ZSWIM5: variants seen among roughly 807,000 people sequenced by gnomAD.
ZSWIM5 encodes zinc finger SWIM domain-containing protein 5.
Under a neutral mutation model 119.6 loss-of-function variants are expected in ZSWIM5, and 55 were observed. The observed-to-expected ratio is 0.46, with a 90% confidence interval of 0.37 to 0.58. The LOEUF (loss-of-function observed/expected upper bound fraction) is 0.58, where lower values mean the gene tolerates loss of function less well. ZSWIM5 is among the 20% of genes least tolerant of loss of function. The pLI, the probability that ZSWIM5 is intolerant of heterozygous loss-of-function variation, is 0.00. For missense variants in ZSWIM5, 1,193 were observed against 1,512.8 expected (o/e 0.79, Z 3.51); for synonymous variants, 537 against 606.9 (o/e 0.88, Z 1.69).
chr1:45,044,654 G>A (rs1479118954), intron 5 of ZSWIM5, among the ~76,000 whole-genome samples: 1 of 124,822 alleles, frequency 8.0e-6, no homozygotes, highest in African/African-American at 3.0e-5. Context: ...AACCCGGAAG[G>A]CGGAGCTTGC....
intron 5 of ZSWIM5, among the ~76,000 whole-genome samples, chr1:45,048,874 A>T (rs1026606694): frequency 2.6e-5 from 4 of 152,222 alleles, no homozygotes; most frequent in Admixed American, 6.5e-5. Flanking sequence ...TAATCCCAGC[A>T]CTTTGGGAGG....
rs1178183112 is a variant in ZSWIM5, at chr1:45,205,773, T to C, written c.578A>G (p.Glu193Gly). ...GCACATACCGACTTGCAGCACGTTCTCCACGGAGCCGCTGTCCAGCAGACG... is the reference window on the plus strand; with the variant it reads ...GCACATACCGACTTGCAGCACGTTCCCCACGGAGCCGCTGTCCAGCAGACG... ...GIRLLDSGSV[E>G]NVLQVGFHLS... Residue 193 changes from glutamate (E) to glycine (G), a missense_variant, in exon 1 of 14, where the codon GAG becomes GGG. By Grantham distance (98) the Glu-to-Gly change is moderately conservative. Around this residue, in one of 2 missense-constraint regions of ZSWIM5, gnomAD observed 961 missense variants for 1,290.0 expected, o/e 0.74. Transcript: ENST00000359600. The C allele has an allele frequency of 6.4e-7, 1 of 1,567,148 alleles. No homozygotes were observed. The highest frequency in any genetic ancestry group is 2.4e-5 in the East Asian group (1 of 41,472).
rs1645765215 is a variant in ZSWIM5, at chr1:45,146,891, TCCTA to T, written c.596-58658_596-58655del. Among the ~76,000 whole-genome samples the T allele has an allele frequency of 6.6e-5, 10 of 152,220 alleles. No individual in the cohort carries two copies. The South Asian group carries it at 2.1e-3, about 32-fold the overall frequency. The stretch of plus-strand genomic sequence containing the variant: ...TGACTCACCACATGACCATCCTTGG[TCCTA>T]CATTACCCACATTTCTGTTATTAAC... On this transcript the variant is annotated intron_variant, in intron 1 of 13. Coordinates refer to ENST00000359600, the MANE Select transcript of ZSWIM5 (RefSeq NM_020883.2).
At position 45,019,032 on chromosome 1, in the gene ZSWIM5, C is replaced by A; in HGVS notation, c.2980G>T (p.Gly994Cys). 6.2e-7 allele frequency: 1 copy of A among 1,614,228 alleles called. No homozygotes were observed. Among genetic ancestry groups the A allele is most frequent in the East Asian group, 2.2e-5 (1 of 44,884 alleles). ...YQIAIDAAAG[G>C]MTHSQLFTIA... ...GTGAACAGCTGTGAATGGGTCATAC[C>A]ACCAGCAGCAGCATCAATGGCAATC... The change falls in exon 14 of 14, where the codon GGT becomes TGT. Residue 994 changes from glycine to cysteine, a missense_variant. Transcript: ENST00000359600. The surrounding 1 kb of genome is among the most constrained non-coding windows in gnomAD (Gnocchi z 5.0).
intron 2 of ZSWIM5, among the ~76,000 whole-genome samples, chr1:45,082,628 C>T (rs538799896): frequency 6.6e-6 from 1 of 152,266 alleles, no homozygotes; most frequent in African/African-American, 2.4e-5. Context: ...AGAAATAGAT[C>T]AGGAAAGAGC....
chr1:45,137,929 G>A (rs913753057), intron 1 of ZSWIM5, among the ~76,000 whole-genome samples: 2 of 152,190 alleles, frequency 1.3e-5, no homozygotes, highest in Non-Finnish European at 2.9e-5. Context: ...AAGGAGGCCA[G>A]TTACATGGCT....
At position 45,018,264 on chromosome 1, in the gene ZSWIM5, A is replaced by T. The variant is rs568271339; in HGVS notation, c.*190T>A. The T allele has an allele frequency of 8.8e-4, 611 of 697,404 alleles. 12 individuals are homozygous for T. The South Asian group carries it at 0.011, about 13-fold the overall frequency. The allele number at this position is 697,404 out of a possible 1,614,324, so 43.2% of individuals were successfully genotyped here. On this transcript the variant is annotated 3_prime_UTR_variant, in exon 14 of 14. Coordinates refer to ENST00000359600, the MANE Select transcript of ZSWIM5 (RefSeq NM_020883.2). This position sits in a 1 kb window ranked among gnomAD's most constrained non-coding sequence, Gnocchi z 6.7. ...AGCTCCTCCATGAACAGTAGGCTGT[A>T]GTCAGAAGCTTGCCAAGGTAGGCAT... is the stretch of plus-strand genomic sequence containing the variant.
intron 1 of ZSWIM5, among the ~76,000 whole-genome samples, chr1:45,112,004 T>A (rs1259154482): frequency 6.6e-6 from 1 of 152,242 alleles, no homozygotes; most frequent in East Asian, 1.9e-4. Context: ...ACAGGATTTT[T>A]TTAAAGCTGA....
intron 2 of ZSWIM5, 32 bp from the exon 3 acceptor site, chr1:45,060,279 C>A (rs1382558345): frequency 6.2e-7 from 1 of 1,606,160 alleles, no homozygotes; most frequent in Middle Eastern, 2.0e-4. Context: ...AAATGAATCA[C>A]CTGAGTTCAC....
intron 2 of ZSWIM5, among the ~76,000 whole-genome samples, chr1:45,068,229 A>G (rs566080805): frequency 1.3e-4 from 20 of 150,532 alleles, no homozygotes; most frequent in Admixed American, 1.1e-3. Context: ...CAGCCTCCCA[A>G]GTGGCTGGGA....
chr1:45,037,221 C>G (rs936235253), intron 8 of ZSWIM5, among the ~76,000 whole-genome samples: 4 of 149,732 alleles, frequency 2.7e-5, no homozygotes, highest in African/African-American at 9.8e-5. Flanking sequence ...AGCAATTCAT[C>G]TGCCTCAGCC....
Position 45,018,944 on chromosome 1 carries a change from G to C in ZSWIM5, c.3068C>G (p.Ala1023Gly), listed in dbSNP as rs959171627. 1 of 1,614,220 alleles carries C rather than the reference G, an allele frequency of 6.2e-7. No individual in the cohort carries two copies. Among genetic ancestry groups the C allele is most frequent in the Non-Finnish European group, 8.5e-7 (1 of 1,180,040 alleles). Reference sequence around the variant, plus strand: ...GTAGGCCAGGTTAAGATGGCTCATGGCCAATGAGGCCAGCTTGAAGGCACG... The same window carrying C: ...GTAGGCCAGGTTAAGATGGCTCATGCCCAATGAGGCCAGCTTGAAGGCACG... ...PLRAFKLASLAMSHLNLAYNQ... is the reference protein window; with the variant it reads ...PLRAFKLASLGMSHLNLAYNQ... Residue 1023 changes from alanine (A) to glycine (G), a missense_variant, in exon 14 of 14, where the codon GCC (alanine) becomes GGC (glycine). This residue lies in a region of ZSWIM5 where 961 missense variants were observed against 1,290.0 expected (regional missense o/e 0.74). Coordinates refer to ENST00000359600, the MANE Select transcript of ZSWIM5 (RefSeq NM_020883.2). This position sits in a 1 kb window ranked among gnomAD's most constrained non-coding sequence, Gnocchi z 6.7.
At chr1:45,119,481 C>T (rs950548212) in intron 1 of ZSWIM5, among the ~76,000 whole-genome samples, 10 of 152,178 alleles carry the variant, frequency 6.6e-5, no homozygotes, top group African/African-American at 2.4e-4. Context: ...TTTAAAGATA[C>T]CTAAGATGAC....
At chr1:45,147,858 C>A (rs1645772068) in intron 1 of ZSWIM5, among the ~76,000 whole-genome samples, 1 of 151,932 alleles carries the variant, frequency 6.6e-6, no homozygotes, top group Non-Finnish European at 1.5e-5. Context: ...CAAAAACAAT[C>A]TGTGAATGCC....
At chr1:45,075,982 A>G (rs1334783977) in intron 2 of ZSWIM5, among the ~76,000 whole-genome samples, 1 of 151,992 alleles carries the variant, frequency 6.6e-6, no homozygotes, top group Non-Finnish European at 1.5e-5. Flanking sequence ...ATAAGCAAAC[A>G]AACGAGCCAA....
intron 2 of ZSWIM5, among the ~76,000 whole-genome samples, chr1:45,080,864 G>A (rs1645285692): frequency 6.6e-6 from 1 of 152,170 alleles, no homozygotes; most frequent in Admixed American, 6.5e-5. Context: ...AGAGCTGGAA[G>A]GATAGTCAAA....
At chr1:45,137,367 T>C (rs1645696179) in intron 1 of ZSWIM5, among the ~76,000 whole-genome samples, 3 of 152,140 alleles carry the variant, frequency 2.0e-5, no homozygotes, top group Admixed American at 2.0e-4. Context: ...TTTTTAAAAA[T>C]ATTTATCTAG....
At chr1:45,198,849 T>C (rs946041886) in intron 1 of ZSWIM5, among the ~76,000 whole-genome samples, 3 of 152,252 alleles carry the variant, frequency 2.0e-5, no homozygotes, top group African/African-American at 7.2e-5. Flanking sequence ...GTTCTTGAAC[T>C]TGATGGAGTT....
At chr1:45,099,995 G>A (rs1645428636) in intron 1 of ZSWIM5, among the ~76,000 whole-genome samples, 1 of 152,134 alleles carries the variant, frequency 6.6e-6, no homozygotes, top group South Asian at 2.1e-4. Context: ...CACAAGACAG[G>A]GATGCCCTCT....
Sources: allele counts gnomAD v4.1 joint callset (sites outside exome capture counted in the v4.1 genomes callset), GRCh38; gene constraint gnomAD v4.1.1; regional missense constraint gnomAD v4.1.1; non-coding constraint Gnocchi (gnomAD v3.1); transcripts MANE v1.5; gene names NCBI Gene and HGNC (gene_info 2026-07-23, HGNC 2026-07-21).